Variants in DIPK1B observed in about 807,000 individuals in gnomAD.
DIPK1B encodes the protein divergent protein kinase domain 1B, also known as family with sequence similarity 69 member B.
DIPK1B carries 17 observed loss-of-function variants against 20.7 expected under a neutral mutation model. That is an observed-to-expected ratio of 0.82 (90% CI 0.56 to 1.23). The LOEUF is 1.23. Ranked by LOEUF, DIPK1B falls within the 50% of genes most tolerant of loss-of-function variation. The probability of loss-of-function intolerance (pLI) is 0.00; values close to 1 mark genes in which losing one functional copy is unlikely to be tolerated. For missense variants in DIPK1B, 648 were observed against 601.8 expected (o/e 1.08, Z -0.80); for synonymous variants, 343 against 276.5 (o/e 1.24, Z -2.39).
intron 1 of DIPK1B, among the ~76,000 whole-genome samples, chr9:136,715,547 C>A (rs1206828677): frequency 1.3e-5 from 2 of 151,424 alleles, no homozygotes. Flanking sequence ...CGGAGCCTCA[C>A]TCTGTCGCCC....
rs139633900 is a variant in DIPK1B, at chr9:136,723,340, G to A, written c.862G>A (p.Gly288Ser). The A allele has an allele frequency of 4.7e-5, 76 of 1,613,358 alleles. No individual in the cohort carries two copies. The African/African-American group carries it at 5.7e-4, about 12-fold the overall frequency. The change falls in exon 5 of 5, where the codon GGC becomes AGC. Residue 288 changes from glycine to serine, a missense_variant. By Grantham distance (56) the Gly-to-Ser change is moderately conservative (BLOSUM62 0). Coordinates refer to ENST00000371692, the MANE Select transcript of DIPK1B (RefSeq NM_152421.4). ...LLEFVEELFHGSYGTFYMCET... is the reference protein window; with the variant it reads ...LLEFVEELFHSSYGTFYMCET... ...GGAGTTCGTGGAGGAGCTCTTCCAC[G>A]GCTCTTACGGGACTTTCTACATGTG...
rs1474225284 is a variant in DIPK1B at position 136,712,742 on chromosome 9, G to A, written c.63+14G>A. 13 of 1,333,308 alleles carry A rather than the reference G, an allele frequency of 9.8e-6. No individual in the cohort carries two copies. Among genetic ancestry groups the A allele is most frequent in the Non-Finnish European group, 1.2e-5 (13 of 1,046,230 alleles). The allele number at this position is 1,333,308 out of a possible 1,614,324, so 82.6% of individuals were successfully genotyped here. A position where few individuals can be genotyped will look rare whatever the true frequency, so the allele number is the denominator to read the frequency against. ...AAGCGCCTGCAGGTAAGCGCGGTGC[G>A]CGCCCGCCGCCCCCGGCCGCCTCTG... On this transcript the variant is annotated intron_variant, in intron 1 of 4. Transcript: ENST00000371692. The surrounding 1 kb of genome is among the most constrained non-coding windows in gnomAD (Gnocchi z 5.6).
chr9:136,717,601 C>T lies in DIPK1B; in HGVS notation c.88C>T (p.Arg30Cys), dbSNP rs117770909. The change falls in exon 2 of 5, where the codon CGC becomes TGC. Residue 30 changes from arginine to cysteine, a missense_variant. By Grantham distance (180) the Arg-to-Cys change is radical (BLOSUM62 -3). Coordinates refer to ENST00000371692, the MANE Select transcript of DIPK1B (RefSeq NM_152421.4). ...LQGRLPGLRV[R>C]CIFLAWLGVF... ...GGGCCGGCTCCCAGGCCTCAGGGTC[C>T]GCTGCATCTTCCTGGCCTGGCTGGG... The T allele has an allele frequency of 2.1e-4, 341 of 1,601,330 alleles. No individual in the cohort carries two copies. The highest frequency in any genetic ancestry group is 3.3e-4 in the Middle Eastern group (2 of 6,060).
rs769694166 is a variant in DIPK1B at position 136,723,066 on chromosome 9, C to T, written c.588C>T (p.Ser196=). Residue 196 remains serine, a synonymous_variant, in exon 5 of 5, where the codon TCC becomes TCT. Coordinates refer to ENST00000371692, the MANE Select transcript of DIPK1B (RefSeq NM_152421.4). ...DNRVSLAEAK[S]VWALLQRNEF... is the part of the protein sequence containing the mutation. ...GGGTGTCCCTGGCGGAAGCCAAGTC[C>T]GTGTGGGCCCTGCTGCAGCGTAACG... is the stretch of plus-strand genomic sequence containing the variant. 74 of 1,613,468 alleles carry T rather than the reference C, an allele frequency of 4.6e-5. No individual in the cohort carries two copies. Among genetic ancestry groups the T allele is most frequent in the Non-Finnish European group, 6.0e-5 (71 of 1,180,048 alleles).
Position 136,723,134 on chromosome 9 carries a change from C to T in DIPK1B, c.656C>T (p.Ser219Phe), listed in dbSNP as rs1265306534. 6.2e-7 allele frequency: 1 copy of T among 1,613,562 alleles called. No individual in the cohort carries two copies. Among genetic ancestry groups the T allele is most frequent in the South Asian group, 1.1e-5 (1 of 91,088 alleles). Reference sequence around the variant, plus strand: ...TCCCTGCAGGAGAAGGAGCACGCCTCCAGACTGCTGGGCTACTGTGGGGAC... The same window carrying T: ...TCCCTGCAGGAGAAGGAGCACGCCTTCAGACTGCTGGGCTACTGTGGGGAC... Reference protein sequence around the residue: ...LLSLQEKEHASRLLGYCGDLY... With the variant: ...LLSLQEKEHAFRLLGYCGDLY... Residue 219 changes from serine (S) to phenylalanine (F), a missense_variant, in exon 5 of 5, where the codon TCC (serine) becomes TTC (phenylalanine). Ser to Phe is a radical substitution (Grantham distance 155, BLOSUM62 -2). Transcript: ENST00000371692.
chr9:136,723,601 G>A lies in DIPK1B; in HGVS notation c.1123G>A (p.Gly375Ser), dbSNP rs771070562. Residue 375 changes from glycine (G) to serine (S), a missense_variant, in exon 5 of 5, where the codon GGC becomes AGC. Coordinates refer to ENST00000371692, the MANE Select transcript of DIPK1B (RefSeq NM_152421.4). ...GGCCAAGGTGTGCGCACTGCTACGG[G>A]GCTACCTGCTGCCTGGCGCGCCCGC... ...NLAKVCALLRGYLLPGAPADL... is the reference protein window; with the variant it reads ...NLAKVCALLRSYLLPGAPADL... 22 of 1,591,736 alleles carry A rather than the reference G, an allele frequency of 1.4e-5. No individual in the cohort carries two copies. Among genetic ancestry groups the A allele is most frequent in the Non-Finnish European group, 1.7e-5 (20 of 1,170,270 alleles).
rs998762952 is a variant in DIPK1B, at chr9:136,717,449, G to C, written c.64-128G>C. The C allele has an allele frequency of 2.2e-5, 24 of 1,100,534 alleles. No individual in the cohort carries two copies. In the African/African-American group the frequency reaches 3.0e-4, roughly 14 times the overall value. The allele number at this position is 1,100,534 out of a possible 1,614,324, so 68.2% of individuals were successfully genotyped here. On this transcript the variant is annotated intron_variant, in intron 1 of 4. Transcript: ENST00000371692. Reference sequence around the variant, plus strand: ...TGATTCTAGAAGACGGGGGTGCCAGGGGGCCAAGGGGATGGCAGGGGAAGG... The same window carrying C: ...TGATTCTAGAAGACGGGGGTGCCAGCGGGCCAAGGGGATGGCAGGGGAAGG...
Position 136,712,623 on chromosome 9 carries a change from C to T in DIPK1B, c.-43C>T, listed in dbSNP as rs958249604. The T allele has an allele frequency of 4.9e-6, 5 of 1,013,524 alleles. No individual in the cohort carries two copies. The highest frequency in any genetic ancestry group is 1.7e-5 in the African/African-American group (1 of 57,204). 62.8% of individuals were successfully genotyped at this position (1,013,524 alleles called of 1,614,324 possible). A position where few individuals can be genotyped will look rare whatever the true frequency, so the allele number is the denominator to read the frequency against. On this transcript the variant is annotated 5_prime_UTR_variant, in exon 1 of 5. Coordinates refer to ENST00000371692, the MANE Select transcript of DIPK1B (RefSeq NM_152421.4). This position sits in a 1 kb window ranked among gnomAD's most constrained non-coding sequence, Gnocchi z 5.6. ...GGCCGGGCCGGGCCGGGGCTGAGGCCGAGCGAGCCGCGGGGCCCGCGCAGC... is the reference window on the plus strand; with the variant it reads ...GGCCGGGCCGGGCCGGGGCTGAGGCTGAGCGAGCCGCGGGGCCCGCGCAGC...
chr9:136,720,879 CAG>C (rs1345308479), intron 2 of DIPK1B: 1 of 152,438 alleles, frequency 6.6e-6, no homozygotes, highest in African/African-American at 2.4e-5. Context: ...TTGAGGCAAA[CAG>C]TGAGGCCGCA....
chr9:136,717,550 C>T (rs1416477782), intron 1 of DIPK1B, 27 bp from the exon 2 acceptor site: 29 of 1,592,684 alleles, frequency 1.8e-5, no homozygotes, highest in Non-Finnish European at 2.4e-5. Flanking sequence ...CCGAGGGCAC[C>T]TCCTCACGCA....
chr9:136,716,210 C>T (rs1247454058), intron 1 of DIPK1B, among the ~76,000 whole-genome samples: 2 of 150,672 alleles, frequency 1.3e-5, no homozygotes, highest in East Asian at 3.9e-4. Context: ...CGGCTGTGAA[C>T]TTAAGGACTG....
rs1846442682 is a variant in DIPK1B at position 136,712,746 on chromosome 9, C to T, written c.63+18C>T. 2 of 1,331,590 alleles carry T rather than the reference C, an allele frequency of 1.5e-6. No individual in the cohort carries two copies. Among genetic ancestry groups the T allele is most frequent in the Admixed American group, 3.8e-5 (1 of 26,218 alleles). The allele number at this position is 1,331,590 out of a possible 1,614,324, so 82.5% of individuals were successfully genotyped here. Reference sequence around the variant, plus strand: ...GCCTGCAGGTAAGCGCGGTGCGCGCCCGCCGCCCCCGGCCGCCTCTGCCTG... The same window carrying T: ...GCCTGCAGGTAAGCGCGGTGCGCGCTCGCCGCCCCCGGCCGCCTCTGCCTG... On this transcript the variant is annotated intron_variant, in intron 1 of 4. Transcript: ENST00000371692. This position sits in a 1 kb window ranked among gnomAD's most constrained non-coding sequence, Gnocchi z 5.6.
Position 136,717,567 on chromosome 9 carries a change from TCCC to T in DIPK1B, c.64-7_64-5del, listed in dbSNP as rs761008823. 6.3e-7 allele frequency: 1 copy of T among 1,597,260 alleles called. No homozygotes were observed. Among genetic ancestry groups the T allele is most frequent in the South Asian group, 1.1e-5 (1 of 90,820 alleles). On this transcript the variant is annotated splice_region_variant and splice_polypyrimidine_tract_variant and intron_variant, in intron 1 of 4. Coordinates refer to ENST00000371692, the MANE Select transcript of DIPK1B (RefSeq NM_152421.4). Reference sequence around the variant, plus strand: ...GAGGGCACCTCCTCACGCAGCCCCTTCCCCCACAGGGCCGGCTCCCAGGCCTCA... The same window carrying T: ...GAGGGCACCTCCTCACGCAGCCCCTTCCACAGGGCCGGCTCCCAGGCCTCA...
At chr9:136,722,402 G>A (rs1470135845) in intron 4 of DIPK1B, 101 bp downstream of exon 4, 18 of 1,305,548 alleles carry the variant, frequency 1.4e-5, no homozygotes, top group Non-Finnish European at 1.9e-5. Flanking sequence ...AGGCACAGAT[G>A]GGCCCAAGTG....
intron 2 of DIPK1B, among the ~76,000 whole-genome samples, chr9:136,719,388 G>A (rs895046466): frequency 1.3e-5 from 2 of 152,180 alleles, no homozygotes; most frequent in African/African-American, 2.4e-5. Context: ...CCATGGAGAC[G>A]TCCCCTCCTT....
At position 136,712,921 on chromosome 9, in the gene DIPK1B, A is replaced by G. The variant is rs1203081075; in HGVS notation, c.63+193A>G. The stretch of plus-strand genomic sequence containing the variant: ...CGCTGGGGGAGGGGCGGTGGCGGCG[A>G]CAGGAGGGTCCGGGCGCGGGGATGC... On this transcript the variant is annotated intron_variant, in intron 1 of 4. Coordinates refer to ENST00000371692, the MANE Select transcript of DIPK1B (RefSeq NM_152421.4). The surrounding 1 kb of genome is among the most constrained non-coding windows in gnomAD (Gnocchi z 5.6). 6.6e-6 allele frequency among the ~76,000 whole-genome samples: 1 copy of G among 152,046 alleles called. No homozygotes were observed.
chr9:136,718,599 C>T (rs559607827), intron 2 of DIPK1B, among the ~76,000 whole-genome samples: 25 of 152,290 alleles, frequency 1.6e-4, no homozygotes, highest in African/African-American at 6.0e-4. Flanking sequence ...CCAGGCTGCC[C>T]GATGACCAGG....
Position 136,723,942 on chromosome 9 carries a change from C to T in DIPK1B, c.*168C>T, listed in dbSNP as rs538048410. ...GCACCACAGACATGAGACCCCAGCTCGGAGCAAAGGCGGACATGGACATCC... is the reference window on the plus strand; with the variant it reads ...GCACCACAGACATGAGACCCCAGCTTGGAGCAAAGGCGGACATGGACATCC... On this transcript the variant is annotated 3_prime_UTR_variant, in exon 5 of 5. Transcript: ENST00000371692. 1.8e-5 allele frequency: 13 copies of T among 707,348 alleles called. No homozygotes were observed. The Admixed American group carries it at 2.0e-4, about 11-fold the overall frequency. The allele number at this position is 707,348 out of a possible 1,614,324, so 43.8% of individuals were successfully genotyped here.
rs181849819 is a variant in DIPK1B, at chr9:136,717,739, C to T, written c.198+28C>T. The stretch of plus-strand genomic sequence containing the variant: ...AAGTGTTGCTTGTGCGGGCTGGGGA[C>T]TGGGCCGTGCCCCCTGCTGCCCAAG... On this transcript the variant is annotated intron_variant, in intron 2 of 4. Coordinates refer to ENST00000371692, the MANE Select transcript of DIPK1B (RefSeq NM_152421.4). The T allele has an allele frequency of 9.3e-3, 14,935 of 1,608,966 alleles. 104 individuals are homozygous for T. Among genetic ancestry groups the T allele is most frequent in the Non-Finnish European group, 0.01 (11,940 of 1,179,562 alleles).
Sources: gnomAD v4.1 joint callset for allele counts (sites outside exome capture counted in the v4.1 genomes callset) on GRCh38, gnomAD v4.1.1 for gene constraint, Gnocchi (gnomAD v3.1) non-coding constraint, MANE v1.5 for transcripts, NCBI Gene and HGNC (gene_info 2026-07-23, HGNC 2026-07-21) for gene names.